The following SCN1A variants were observed in gnomAD, a reference collection of about 807,000 sequenced individuals.
The protein encoded by SCN1A is sodium channel protein type 1 subunit alpha.
In SCN1A, 13 loss-of-function variants were observed where a neutral mutation model predicts 193.7. The ratio of observed to expected loss-of-function variants is 0.07; its 90% CI spans 0.04 to 0.11. The LOEUF is 0.11. Among genes scored for constraint, SCN1A ranks in the 10% least tolerant of loss-of-function variants. The pLI is 1.00. For synonymous variants in SCN1A, 781 were observed against 843.6 expected (o/e 0.93, Z 1.29); for missense variants, 1,432 against 2,451.1 (o/e 0.58, Z 8.78).
Position 166,073,294 on chromosome 2 carries a change from T to A in SCN1A, c.264+64A>T, listed in dbSNP as rs1684648338. 1.9e-6 allele frequency: 3 copies of A among 1,594,104 alleles called. No homozygotes were observed. In the African/African-American group the frequency reaches 4.0e-5, roughly 21 times the overall value. ...GTGCTAATTTGGCATGTGTTGGTGC[T>A]ACAACAGTCCAAGGAATGCAGTAGG... On this transcript the variant is annotated intron_variant, in intron 4 of 28. Coordinates refer to ENST00000674923, the MANE Select transcript of SCN1A (RefSeq NM_001165963.4).
At chr2:166,031,233 G>C (rs1695512504) in intron 19 of SCN1A, among the ~76,000 whole-genome samples, 1 of 152,054 alleles carries the variant, frequency 6.6e-6, no homozygotes, top group African/African-American at 2.4e-5. Flanking sequence ...AGGATAGTTA[G>C]GTGTGAGTTC....
intron 17 of SCN1A, among the ~76,000 whole-genome samples, chr2:166,038,786 G>A (rs181064931): frequency 2.0e-4 from 31 of 152,294 alleles, no homozygotes; most frequent in Admixed American, 2.0e-3. Flanking sequence ...AGTGTGCAAA[G>A]TAACATCATA....
chr2:166,037,112 A>C (rs1290790915), intron 18 of SCN1A, among the ~76,000 whole-genome samples: 3 of 152,164 alleles, frequency 2.0e-5, no homozygotes, highest in Non-Finnish European at 2.9e-5. Flanking sequence ...ACATACCTTT[A>C]GAATATTTTA....
intron 2 of SCN1A, among the ~76,000 whole-genome samples, chr2:166,120,261 T>G (rs904880709): frequency 6.6e-6 from 1 of 151,768 alleles, no homozygotes; most frequent in South Asian, 2.1e-4. Flanking sequence ...AGATGTAATA[T>G]TCTATTTTTA....
chr2:166,081,189 T>G (rs995838446), intron 2 of SCN1A, among the ~76,000 whole-genome samples: 21 of 151,944 alleles, frequency 1.4e-4, no homozygotes, highest in Admixed American at 6.6e-5. Flanking sequence ...AGGAGCTTTA[T>G]TTAAAGTAAT....
rs1002786984 is a variant in SCN1A, at chr2:166,024,188, T to C, written c.3430-8461A>G. Reference sequence around the variant, plus strand: ...CTGCAGTGAGCTGTGGTTGCGCCACTGCACTCTGGCGTGGATGACCGAGTG... The same window carrying C: ...CTGCAGTGAGCTGTGGTTGCGCCACCGCACTCTGGCGTGGATGACCGAGTG... On this transcript the variant is annotated intron_variant, in intron 19 of 28. Coordinates refer to ENST00000674923, the MANE Select transcript of SCN1A (RefSeq NM_001165963.4). Among the ~76,000 whole-genome samples, 6 of 152,186 alleles carry C rather than the reference T, an allele frequency of 3.9e-5. No individual in the cohort carries two copies. In the East Asian group the frequency reaches 9.7e-4, roughly 25 times the overall value.
chr2:166,101,918 A>G (rs1377296901), intron 2 of SCN1A, among the ~76,000 whole-genome samples: 1 of 152,226 alleles, frequency 6.6e-6, no homozygotes, highest in Non-Finnish European at 1.5e-5. Context: ...AAACAAAACT[A>G]TCAATAGAGT....
At chr2:166,003,523 A>C (rs978528821) in intron 23 of SCN1A, among the ~76,000 whole-genome samples, 1 of 150,552 alleles carries the variant, frequency 6.6e-6, no homozygotes, top group African/African-American at 2.4e-5. Context: ...ATTATTATCT[A>C]CTTTTTTTTT....
chr2:166,095,333 A>G lies in SCN1A; in HGVS notation c.-141-17532T>C, dbSNP rs562546127. Among the ~76,000 whole-genome samples, 41 of 152,308 alleles carry G rather than the reference A, an allele frequency of 2.7e-4. No homozygotes were observed. The South Asian group carries it at 7.5e-3, about 28-fold the overall frequency. On this transcript the variant is annotated intron_variant, in intron 2 of 28. Coordinates refer to ENST00000674923, the MANE Select transcript of SCN1A (RefSeq NM_001165963.4). ...TAATCTCCTTAGGGTAGAAACTGTA[A>G]TAGAATAATGGTGATAAGAACAGTA...
Position 166,000,872 on chromosome 2 carries a change from A to G in SCN1A, c.4285-1096T>C, listed in dbSNP as rs562941293. ...TAGAGAGGTGATTCTATAAAAGCCA[A>G]ATGTGAAGCAGTATTTTAGAGGGTT... On this transcript the variant is annotated intron_variant, in intron 24 of 28. Transcript: ENST00000674923. Among the ~76,000 whole-genome samples, 47 of 151,506 alleles carry G rather than the reference A, an allele frequency of 3.1e-4. No homozygotes were observed. The South Asian group carries it at 9.1e-3, about 29-fold the overall frequency.
Position 165,991,652 on chromosome 2 carries a change from C to T in SCN1A, c.5623G>A (p.Val1875Ile). 1.2e-6 allele frequency: 2 copies of T among 1,613,932 alleles called. No individual in the cohort carries two copies. The highest frequency in any genetic ancestry group is 1.1e-5 in the South Asian group (1 of 91,084). Residue 1875 changes from valine (V) to isoleucine (I), a missense_variant, in exon 29 of 29, where the codon GTT (valine) becomes ATT (isoleucine). Transcript: ENST00000674923. ...TCCATCTCTCCACTCTCTCCTAGAA[C>T]CCGCTTTGTAAAAGCAAATAAGATA... The part of the protein sequence containing the change: ...LDILFAFTKR[V>I]LGESGEMDAL...
chr2:166,062,754 G>GCTAATCA (rs1403739575), intron 4 of SCN1A, among the ~76,000 whole-genome samples: 16 of 152,218 alleles, frequency 1.1e-4, no homozygotes, highest in African/African-American at 3.8e-4. Flanking sequence ...AGCTAATCAA[G>GCTAATCA]ATTTATGAAC....
chr2:166,022,999 C>T (rs953629493), intron 19 of SCN1A, among the ~76,000 whole-genome samples: 30 of 152,144 alleles, frequency 2.0e-4, no homozygotes, highest in Middle Eastern at 3.4e-3. Flanking sequence ...TGGCAAAAAG[C>T]ACACAATAGG....
intron 2 of SCN1A, among the ~76,000 whole-genome samples, chr2:166,098,799 A>G (rs1433373535): frequency 6.6e-6 from 1 of 152,228 alleles, no homozygotes; most frequent in African/African-American, 2.4e-5. Flanking sequence ...AACACAGCTA[A>G]CCAGGGAGAT....
chr2:166,131,375 T>A (rs2106287217), upstream of SCN1A, among the ~76,000 whole-genome samples: 1 of 144,174 alleles, frequency 6.9e-6, no homozygotes, highest in East Asian at 1.9e-4. Context: ...TTAGTCTTTG[T>A]AAGACTCCGT....
chr2:166,140,971 A>G (rs1057395246), intron 1 of SCN1A, among the ~76,000 whole-genome samples: 2 of 152,170 alleles, frequency 1.3e-5, no homozygotes, highest in Non-Finnish European at 2.9e-5. Context: ...TAAATAAGAA[A>G]GTGCATTTTA....
rs1688764252 is a variant in SCN1A, at chr2:165,988,787, C to G, written c.*2458G>C. 6.6e-6 allele frequency: 1 copy of G among 152,184 alleles called. No homozygotes were observed. Among genetic ancestry groups the G allele is most frequent in the South Asian group, 2.1e-4 (1 of 4,830 alleles). 9.4% of individuals were successfully genotyped at this position (152,184 alleles called of 1,614,324 possible). On this transcript the variant is annotated 3_prime_UTR_variant, in exon 29 of 29. Transcript: ENST00000674923. ...GGAGGAGCAAACACAGTATCCTACACACATGGCAATTCTAAATTTTTAAAT... is the reference window on the plus strand; with the variant it reads ...GGAGGAGCAAACACAGTATCCTACAGACATGGCAATTCTAAATTTTTAAAT...
At chr2:166,095,255 T>C (rs1271504082) in intron 2 of SCN1A, among the ~76,000 whole-genome samples, 3 of 152,210 alleles carry the variant, frequency 2.0e-5, no homozygotes, top group Non-Finnish European at 4.4e-5. Flanking sequence ...ATAGGTATGA[T>C]ATAATTATTT....
intron 19 of SCN1A, among the ~76,000 whole-genome samples, chr2:166,024,066 G>A (rs922433042): frequency 2.6e-5 from 4 of 151,968 alleles, no homozygotes; most frequent in Admixed American, 1.3e-4. Context: ...GTGAGACACC[G>A]CGCCTGGCCA....
Sources: allele counts gnomAD v4.1 joint callset (sites outside exome capture counted in the v4.1 genomes callset), GRCh38; gene constraint gnomAD v4.1.1; transcripts MANE v1.5; gene names NCBI Gene and HGNC (gene_info 2026-07-23, HGNC 2026-07-21).